The following ZNF726 variants were observed in gnomAD, a reference collection of about 807,000 sequenced individuals.
ZNF726 encodes zinc finger protein 92 pseudogene 3.
A neutral mutation model predicts 11.6 loss-of-function variants in ZNF726; 15 were observed. That is an observed-to-expected ratio of 1.29 (90% CI 0.86 to 1.99). The LOEUF is 1.99. Among genes scored for constraint, ZNF726 ranks in the 30% most tolerant of loss-of-function variants. The probability of loss-of-function intolerance (pLI) is 0.00; values close to 1 mark genes in which losing one functional copy is unlikely to be tolerated. For synonymous variants in ZNF726, 295 were observed against 243.6 expected, an observed-to-expected ratio of 1.21 and a Z score of -1.96; for missense variants, 890 against 725.6, an observed-to-expected ratio of 1.23 and a Z score of -2.60.
At chr19:23,941,732 C>G (rs1309406910) in intron 3 of ZNF726, among the ~76,000 whole-genome samples, 1 of 151,996 alleles carries the variant, frequency 6.6e-6, no homozygotes, top group Admixed American at 6.6e-5. Flanking sequence ...TTATCCATCT[C>G]TTCTAGATTT....
rs35012860 is a variant in ZNF726, at chr19:23,933,977, TA to T, written c.*15del. ...GAGGATTCATACTTGAGAGAAACCT[TA>T]AAAAGGGTAAAGAATGTGGCAAAGC... On this transcript the variant is annotated 3_prime_UTR_variant, in exon 4 of 4. Transcript: ENST00000594466. The T allele has an allele frequency of 6.4e-7, 1 of 1,570,496 alleles. No individual in the cohort carries two copies. The highest frequency in any genetic ancestry group is 8.6e-7 in the Non-Finnish European group (1 of 1,158,134).
In ZNF726 at chr19:23,933,949, T is replaced by G; in HGVS notation, c.1833T>G (p.His611Gln). The change falls in exon 4 of 4, where the codon CAT becomes CAG. Residue 611 changes from histidine to glutamine, a missense_variant. Coordinates refer to ENST00000594466, the MANE Select transcript of ZNF726 (RefSeq NM_001244038.2). ...SFIWSSTLFK[H>Q]KRIHT ...TCTGGTCCTCAACCCTTTTTAAGCA[T>G]AAGAGGATTCATACTTGAGAGAAAC... The G allele has an allele frequency of 1.9e-6, 3 of 1,578,740 alleles. No homozygotes were observed. The South Asian group carries it at 3.4e-5, about 18-fold the overall frequency.
At chr19:23,917,589 T>C (rs1443759898) in intron 1 of ZNF726, among the ~76,000 whole-genome samples, 1 of 152,204 alleles carries the variant, frequency 6.6e-6, no homozygotes, top group Non-Finnish European at 1.5e-5. Flanking sequence ...CATATATTAC[T>C]GAAAACTTCA....
rs191221723 is a variant in ZNF726, at chr19:23,943,683, T to G, written c.322+94T>G. 58 of 436,568 alleles carry G rather than the reference T, an allele frequency of 1.3e-4. No individual in the cohort carries two copies. The East Asian group carries it at 1.8e-3, about 14-fold the overall frequency. 27.0% of individuals were successfully genotyped at this position (436,568 alleles called of 1,614,324 possible). A position where few individuals can be genotyped will look rare whatever the true frequency, so the allele number is the denominator to read the frequency against. On this transcript the variant is annotated intron_variant, in intron 4 of 4. Transcript: ENST00000334589. The stretch of plus-strand genomic sequence containing the variant: ...TAAAATGTGATATGGGATGCTCTGC[T>G]TCAGTGGAAAGATTTCCTAAAAAGC...
chr19:23,924,343 C>T (rs1440712588), intron 3 of ZNF726, among the ~76,000 whole-genome samples: 1 of 152,060 alleles, frequency 6.6e-6, no homozygotes, highest in African/African-American at 2.4e-5. Context: ...CGTGAGCCGC[C>T]TTGCCTGGCC....
At chr19:23,923,069 T>C (rs906742084) in intron 3 of ZNF726, among the ~76,000 whole-genome samples, 6 of 152,278 alleles carry the variant, frequency 3.9e-5, no homozygotes, top group African/African-American at 1.4e-4. Flanking sequence ...AATTAGATAA[T>C]ACGCAGGCAG....
At chr19:23,917,940 G>T (rs1967744479) in intron 1 of ZNF726, among the ~76,000 whole-genome samples, 1 of 152,206 alleles carries the variant, frequency 6.6e-6, no homozygotes, top group Non-Finnish European at 1.5e-5. Flanking sequence ...AAGTAGAGGG[G>T]TTTTATTACC....
chr19:23,933,374 A>C lies in ZNF726; in HGVS notation c.1258A>C (p.Thr420Pro). 1 of 1,612,966 alleles carries C rather than the reference A, an allele frequency of 6.2e-7. No homozygotes were observed. The highest frequency in any genetic ancestry group is 8.5e-7 in the Non-Finnish European group (1 of 1,179,764). Residue 420 changes from threonine to proline, a missense_variant, in exon 4 of 4, where the codon ACT (threonine) becomes CCT (proline). By Grantham distance (38) the Thr-to-Pro change is conservative (BLOSUM62 -1). Coordinates refer to ENST00000594466, the MANE Select transcript of ZNF726 (RefSeq NM_001244038.2). The stretch of plus-strand genomic sequence containing the variant: ...TCTTACTAAACATAAGATAATTCAT[A>C]CTGGAGAGAAACCTTACAAGTGTGA... ...SNLTKHKIIH[T>P]GEKPYKCEEC...
downstream of ZNF726, among the ~76,000 whole-genome samples, chr19:23,937,907 C>G (rs1422081062): frequency 1.3e-5 from 2 of 152,220 alleles, no homozygotes; most frequent in Non-Finnish European, 2.9e-5. Flanking sequence ...TAGTATGTTA[C>G]TGTACTTTTA....
chr19:23,942,024 G>A (rs112244249), intron 3 of ZNF726, among the ~76,000 whole-genome samples: 7 of 151,984 alleles, frequency 4.6e-5, no homozygotes, highest in African/African-American at 1.7e-4. Flanking sequence ...GGTTTGGTTT[G>A]TTCTTGTTTC....
At chr19:23,940,506 G>GT (rs553413658) in intron 3 of ZNF726, among the ~76,000 whole-genome samples, 18 of 151,706 alleles carry the variant, frequency 1.2e-4, no homozygotes, top group East Asian at 7.7e-4. Context: ...TGTTAGAATC[G>GT]TTTTTTTTAA....
chr19:23,928,664 G>T (rs915630185), intron 3 of ZNF726: 1 of 152,092 alleles, frequency 6.6e-6, no homozygotes, highest in Non-Finnish European at 1.5e-5. Context: ...TAAAATACAG[G>T]TTTTTGCACT....
intron 4 of ZNF726, chr19:23,944,278 G>A (rs1273571617): frequency 2.0e-5 from 3 of 152,042 alleles, no homozygotes; most frequent in East Asian, 1.9e-4. Flanking sequence ...AGCTTTTCTT[G>A]TATATATGGT....
intron 4 of ZNF726, chr19:23,944,306 C>A (rs879331771): frequency 6.6e-6 from 1 of 152,040 alleles, no homozygotes; most frequent in Non-Finnish European, 1.5e-5. Flanking sequence ...TGTGAGCATG[C>A]AATAAACATT....
At chr19:23,932,294 A>G in intron 3 of ZNF726, 49 bp from the exon 4 acceptor site, 1 of 1,232,108 alleles carries the variant, frequency 8.1e-7, no homozygotes, top group Non-Finnish European at 1.0e-6. Context: ...TTTAAACTAT[A>G]TTTATGTCAG....
intron 1 of ZNF726, among the ~76,000 whole-genome samples, chr19:23,917,523 A>C (rs1967732361): frequency 6.6e-6 from 1 of 151,992 alleles, no homozygotes; most frequent in Admixed American, 6.6e-5. Flanking sequence ...GTTCAATTTC[A>C]GCTGTAGACA....
At position 23,932,725 on chromosome 19, in the gene ZNF726, T is replaced by C. The variant is rs763982323; in HGVS notation, c.609T>C (p.Cys203=). ...SIYTTEKSYK[C]KECGKTFNWS... is the part of the protein sequence containing the mutation. The stretch of plus-strand genomic sequence containing the variant: ...ATACTACAGAGAAGTCCTACAAATG[T>C]AAAGAATGTGGAAAAACCTTTAATT... Residue 203 remains cysteine (C), a synonymous_variant, in exon 4 of 4, where the codon TGT becomes TGC. Coordinates refer to ENST00000594466, the MANE Select transcript of ZNF726 (RefSeq NM_001244038.2). 21 of 1,609,914 alleles carry C rather than the reference T, an allele frequency of 1.3e-5. No homozygotes were observed. Among genetic ancestry groups the C allele is most frequent in the Non-Finnish European group, 1.5e-5 (18 of 1,179,028 alleles).
At position 23,934,102 on chromosome 19, in the gene ZNF726, A is replaced by G; in HGVS notation, c.*135A>G. Reference sequence around the variant, plus strand: ...AAAAAGCTTTTAATCCTCAAATCTTACTAAACATTAGATAATTCACACTGG... The same window carrying G: ...AAAAAGCTTTTAATCCTCAAATCTTGCTAAACATTAGATAATTCACACTGG... On this transcript the variant is annotated 3_prime_UTR_variant, in exon 4 of 4. Coordinates refer to ENST00000594466, the MANE Select transcript of ZNF726 (RefSeq NM_001244038.2). 1.7e-6 allele frequency: 2 copies of G among 1,163,150 alleles called. No homozygotes were observed. The highest frequency in any genetic ancestry group is 2.6e-6 in the Non-Finnish European group (2 of 783,816). The allele number at this position is 1,163,150 out of a possible 1,614,324, so 72.1% of individuals were successfully genotyped here. A position where few individuals can be genotyped will look rare whatever the true frequency, so the allele number is the denominator to read the frequency against.
downstream of ZNF726, among the ~76,000 whole-genome samples, chr19:23,938,795 C>A (rs1968290310): frequency 6.6e-6 from 1 of 151,630 alleles, no homozygotes; most frequent in African/African-American, 2.4e-5. Flanking sequence ...TTAGTAGAGA[C>A]AGGATTTTGC....
Sources: allele counts gnomAD v4.1 joint callset (sites outside exome capture counted in the v4.1 genomes callset), GRCh38; gene constraint gnomAD v4.1.1; transcripts MANE v1.5; gene names NCBI Gene and HGNC (gene_info 2026-07-23, HGNC 2026-07-21).